ASAP2: variants seen among roughly 807,000 people sequenced by gnomAD.
ASAP2 encodes ArfGAP with SH3 domain, ankyrin repeat and PH domain 2.
In ASAP2, 45 loss-of-function variants were observed where a neutral mutation model predicts 131.4. The observed-to-expected ratio is 0.34, with a 90% CI of 0.27 to 0.44. The LOEUF (loss-of-function observed/expected upper bound fraction) is 0.44, where lower values mean the gene tolerates loss of function less well. Among genes scored for constraint, ASAP2 ranks in the 20% least tolerant of loss-of-function variants. The probability of loss-of-function intolerance (pLI) is 1.00; values close to 1 mark genes in which losing one functional copy is unlikely to be tolerated. For synonymous variants in ASAP2, 510 were observed against 503.0 expected (o/e 1.01, Z -0.19); for missense variants, 1,011 against 1,297.0 (o/e 0.78, Z 3.39).
chr2:9,297,971 C>T lies in ASAP2; in HGVS notation c.345+526C>T, dbSNP rs530784102. ...CAGCCGTGGGAATGCGGTGCTGGTG[C>T]CTGCTGCCTGTGGCTGCTGCTTGGT... On this transcript the variant is annotated intron_variant, in intron 3 of 27. Coordinates refer to ENST00000281419, the MANE Select transcript of ASAP2 (RefSeq NM_003887.3). 2.0e-5 allele frequency among the ~76,000 whole-genome samples: 3 copies of T among 151,238 alleles called. No homozygotes were observed. In the South Asian group the frequency reaches 6.2e-4, roughly 31 times the overall value.
chr2:9,343,532 G>C (rs774224487), intron 9 of ASAP2, among the ~76,000 whole-genome samples: 1 of 152,050 alleles, frequency 6.6e-6, no homozygotes, highest in East Asian at 1.9e-4. Flanking sequence ...CTGCAACCTC[G>C]ATCTCCCAGG....
intron 1 of ASAP2, among the ~76,000 whole-genome samples, chr2:9,241,790 C>T (rs1481534068): frequency 6.6e-6 from 1 of 152,016 alleles, no homozygotes; most frequent in Non-Finnish European, 1.5e-5. Context: ...TCAAGGAAAG[C>T]GAGGAGAAGG....
chr2:9,262,976 C>T (rs79486305), intron 1 of ASAP2, among the ~76,000 whole-genome samples: 1 of 152,202 alleles, frequency 6.6e-6, no homozygotes, highest in East Asian at 1.9e-4. Flanking sequence ...GGGAAATCAG[C>T]CTGGCTTAGG....
chr2:9,213,401 C>A (rs1661748011), intron 1 of ASAP2, among the ~76,000 whole-genome samples: 1 of 152,122 alleles, frequency 6.6e-6, no homozygotes. Context: ...CCTTGTCCAT[C>A]TTGGGGAAGG....
rs762334308 is a variant in ASAP2, at chr2:9,207,125, G to A, written c.21G>A (p.Val7=). The A allele has an allele frequency of 2.5e-6, 4 of 1,596,844 alleles. No individual in the cohort carries two copies. The South Asian group carries it at 3.4e-5, about 13-fold the overall frequency. Residue 7 remains valine (V), a synonymous_variant, in exon 1 of 28, where the codon GTG becomes GTA. Transcript: ENST00000281419. This position sits in a 1 kb window ranked among gnomAD's most constrained non-coding sequence, Gnocchi z 4.1. ...AGGCGATGCCGGACCAGATCTCCGT[G>A]TCGGAATTCGTGGCCGAGACCCATG... MPDQIS[V]SEFVAETHED...
intron 1 of ASAP2, among the ~76,000 whole-genome samples, chr2:9,277,099 A>G (rs1666807660): frequency 6.6e-6 from 1 of 152,244 alleles, no homozygotes; most frequent in South Asian, 2.1e-4. Context: ...CTGCACGGTC[A>G]CAGATCAAAT....
intron 3 of ASAP2, among the ~76,000 whole-genome samples, chr2:9,302,236 A>G (rs1465728395): frequency 7.4e-6 from 1 of 134,364 alleles, no homozygotes. Context: ...GCAGTGGTGC[A>G]GTCTTGGCTC....
At chr2:9,292,628 C>T (rs948913989) in intron 2 of ASAP2, among the ~76,000 whole-genome samples, 1 of 152,208 alleles carries the variant, frequency 6.6e-6, no homozygotes, top group Admixed American at 6.5e-5. Context: ...GTGATCTGCT[C>T]CTTCTCTACT....
chr2:9,390,817 A>G (rs749723079), intron 22 of ASAP2, among the ~76,000 whole-genome samples: 4 of 152,200 alleles, frequency 2.6e-5, no homozygotes, highest in Non-Finnish European at 5.9e-5. Flanking sequence ...GGAATTTTAA[A>G]TTTCATGGAT....
intron 1 of ASAP2, among the ~76,000 whole-genome samples, chr2:9,251,983 A>G (rs1208770771): frequency 6.6e-6 from 1 of 151,096 alleles, no homozygotes; most frequent in Non-Finnish European, 1.5e-5. Context: ...AATTTAGTTC[A>G]TCAGTTATTT....
chr2:9,212,053 A>G (rs747885168), intron 1 of ASAP2, among the ~76,000 whole-genome samples: 29 of 151,864 alleles, frequency 1.9e-4, no homozygotes, highest in Non-Finnish European at 3.5e-4. Context: ...CCCCTGGTGA[A>G]TGCTGAATTC....
intron 20 of ASAP2, among the ~76,000 whole-genome samples, chr2:9,381,795 G>A (rs1674867854): frequency 6.6e-6 from 1 of 151,974 alleles, no homozygotes; most frequent in African/African-American, 2.4e-5. Context: ...CCCAGCTACT[G>A]GGGAAGTTGA....
chr2:9,343,016 G>A (rs988938829), intron 9 of ASAP2, among the ~76,000 whole-genome samples: 15 of 152,146 alleles, frequency 9.9e-5, no homozygotes, highest in East Asian at 1.9e-4. Flanking sequence ...ATTTTCCTGC[G>A]TTAGTTCTTT....
At position 9,279,362 on chromosome 2, in the gene ASAP2, G is replaced by A. The variant is rs753909448; in HGVS notation, c.172G>A (p.Val58Met). ...RMVLYKMKKS[V>M]KAINSSGLAH... ...GGTTCTTTACAAAATGAAGAAATCC[G>A]TGAAAGCAATCAACAGCTCTGGGCT... The change falls in exon 2 of 28, where the codon GTG becomes ATG. Residue 58 changes from valine to methionine, a missense_variant. Val to Met is a conservative substitution (Grantham distance 21). Transcript: ENST00000281419. 5.0e-6 allele frequency: 8 copies of A among 1,614,114 alleles called. No homozygotes were observed. Among genetic ancestry groups the A allele is most frequent in the Admixed American group, 1.7e-5 (1 of 60,014 alleles).
chr2:9,318,436 T>C (rs1558326825), intron 3 of ASAP2, 88 bp from the exon 4 acceptor site: 1 of 961,062 alleles, frequency 1.0e-6, no homozygotes, highest in Non-Finnish European at 1.6e-6. Flanking sequence ...TGAATCATTA[T>C]CAAATGTTCT....
intron 15 of ASAP2, among the ~76,000 whole-genome samples, chr2:9,364,399 A>C (rs894668273): frequency 1.3e-5 from 2 of 151,962 alleles, no homozygotes; most frequent in African/African-American, 4.8e-5. Context: ...CCTAGCTATC[A>C]GGGAGGCTGA....
intron 6 of ASAP2, 53 bp downstream of exon 6, chr2:9,323,303 C>T (rs1162054806): frequency 5.6e-6 from 9 of 1,605,962 alleles, no homozygotes; most frequent in Non-Finnish European, 7.7e-6. Flanking sequence ...CGGCTCTGCC[C>T]TCACCTGTGG....
intron 20 of ASAP2, among the ~76,000 whole-genome samples, chr2:9,382,928 G>T (rs1159240535): frequency 6.6e-6 from 1 of 152,212 alleles, no homozygotes; most frequent in African/African-American, 2.4e-5. Flanking sequence ...AGCTGGCTGA[G>T]CGGTGGGAGG....
At chr2:9,222,170 A>G (rs1662471912) in intron 1 of ASAP2, among the ~76,000 whole-genome samples, 2 of 152,230 alleles carry the variant, frequency 1.3e-5, no homozygotes, top group Admixed American at 6.5e-5. Context: ...GGTGCTCAGT[A>G]ACTTTATTGA....
Sources: allele counts gnomAD v4.1 joint callset (sites outside exome capture counted in the v4.1 genomes callset), GRCh38; gene constraint gnomAD v4.1.1; non-coding constraint Gnocchi (gnomAD v3.1); transcripts MANE v1.5; gene names NCBI Gene and HGNC (gene_info 2026-07-23, HGNC 2026-07-21).